DOK6: variants seen among roughly 807,000 people sequenced by gnomAD.
DOK6 encodes the protein downstream of tyrosine kinase 6.
Under a neutral mutation model 44.0 loss-of-function variants are expected in DOK6, and 22 were observed. The ratio of observed to expected loss-of-function variants is 0.50; its 90% CI spans 0.36 to 0.71. The LOEUF (loss-of-function observed/expected upper bound fraction) is 0.71. DOK6 is among the 30% of genes least tolerant of loss of function. The pLI is 0.00. For synonymous variants in DOK6, 166 were observed against 145.5 expected, an observed-to-expected ratio of 1.14 and a Z score of -1.01; for missense variants, 340 against 416.4, an observed-to-expected ratio of 0.82 and a Z score of 1.60.
intron 6 of DOK6, among the ~76,000 whole-genome samples, chr18:69,753,185 T>G (rs1222700067): frequency 6.6e-6 from 1 of 152,156 alleles, no homozygotes; most frequent in African/African-American, 2.4e-5. Context: ...CATCTACGAA[T>G]CTCAAATATT....
At chr18:69,803,171 C>T (rs1007673156) in intron 7 of DOK6, among the ~76,000 whole-genome samples, 14 of 152,098 alleles carry the variant, frequency 9.2e-5, no homozygotes, top group African/African-American at 3.4e-4. Context: ...AGCATTTTAC[C>T]ATATTATTAA....
chr18:69,588,444 A>G (rs1375417710), intron 2 of DOK6, among the ~76,000 whole-genome samples: 3 of 152,124 alleles, frequency 2.0e-5, no homozygotes, highest in Non-Finnish European at 4.4e-5. Context: ...TGGCAGCTGT[A>G]GCATTTCTTA....
chr18:69,409,132 G>C (rs1978295567), intron 1 of DOK6, among the ~76,000 whole-genome samples: 1 of 152,052 alleles, frequency 6.6e-6, no homozygotes, highest in Non-Finnish European at 1.5e-5. Context: ...GATTTTATAA[G>C]GGGCTTCCCC....
chr18:69,571,625 C>A (rs1983116476), intron 2 of DOK6, among the ~76,000 whole-genome samples: 1 of 151,796 alleles, frequency 6.6e-6, no homozygotes, highest in African/African-American at 2.4e-5. Flanking sequence ...AAGAGTATTA[C>A]CAAAGATAAA....
At chr18:69,455,122 T>A in intron 1 of DOK6, among the ~76,000 whole-genome samples, 1 of 139,164 alleles carries the variant, frequency 7.2e-6, no homozygotes. Flanking sequence ...TTGTTTAGAA[T>A]TCGCCTTTAG....
chr18:69,676,181 C>T (rs1985918390), intron 3 of DOK6, among the ~76,000 whole-genome samples: 1 of 152,154 alleles, frequency 6.6e-6, no homozygotes, highest in Admixed American at 6.5e-5. Flanking sequence ...GCAAACTGTA[C>T]TTTCGTAAAT....
intron 1 of DOK6, among the ~76,000 whole-genome samples, chr18:69,526,452 T>C (rs1981833553): frequency 6.6e-6 from 1 of 152,216 alleles, no homozygotes; most frequent in African/African-American, 2.4e-5. Flanking sequence ...ATAATATTCC[T>C]TTGTATGAAT....
intron 1 of DOK6, among the ~76,000 whole-genome samples, chr18:69,514,643 A>G (rs2119962): frequency 0.013 from 1,997 of 152,130 alleles, 38 homozygotes; most frequent in African/African-American, 0.046. Context: ...AATCATGATT[A>G]ATGTCATTTA....
intron 1 of DOK6, among the ~76,000 whole-genome samples, chr18:69,491,689 G>C (rs570408949): frequency 2.6e-5 from 4 of 152,232 alleles, no homozygotes; most frequent in African/African-American, 9.6e-5. Flanking sequence ...CATGACTGAG[G>C]GTTTTCCAAA....
chr18:69,461,572 C>G (rs1231982091), intron 1 of DOK6, among the ~76,000 whole-genome samples: 1 of 152,142 alleles, frequency 6.6e-6, no homozygotes, highest in Non-Finnish European at 1.5e-5. Flanking sequence ...CTTGGAGGCC[C>G]TATTTAATCT....
intron 1 of DOK6, among the ~76,000 whole-genome samples, chr18:69,488,398 T>C (rs1425209664): frequency 6.6e-6 from 1 of 152,150 alleles, no homozygotes. Context: ...CATCAATGCT[T>C]CCTGCTCCCC....
chr18:69,726,176 T>G (rs1297729113), intron 5 of DOK6, among the ~76,000 whole-genome samples: 1 of 152,188 alleles, frequency 6.6e-6, no homozygotes, highest in Non-Finnish European at 1.5e-5. Flanking sequence ...CTTCGCTTCC[T>G]CTGCTAGTTC....
chr18:69,647,060 T>TATCCC (rs796369538), intron 3 of DOK6, among the ~76,000 whole-genome samples: 2 of 137,446 alleles, frequency 1.5e-5, no homozygotes, highest in Non-Finnish European at 3.2e-5. Context: ...CTGTCTATCC[T>TATCCC]ATCTGTCTAT....
chr18:69,518,372 C>T (rs1426658884), intron 1 of DOK6, among the ~76,000 whole-genome samples: 2 of 151,880 alleles, frequency 1.3e-5, no homozygotes, highest in Admixed American at 6.6e-5. Context: ...GTGGGCTGAA[C>T]TCCTCTTTTG....
intron 5 of DOK6, among the ~76,000 whole-genome samples, chr18:69,716,277 T>C (rs1986878779): frequency 6.6e-6 from 1 of 152,196 alleles, no homozygotes; most frequent in Admixed American, 6.5e-5. Flanking sequence ...ATTTAATCCA[T>C]GTTATTCTGT....
At chr18:69,807,766 C>A (rs1375329160) in intron 7 of DOK6, among the ~76,000 whole-genome samples, 1 of 151,284 alleles carries the variant, frequency 6.6e-6, no homozygotes, top group African/African-American at 2.4e-5. Flanking sequence ...TATGTGCACC[C>A]CAAATTGGAG....
chr18:69,517,537 C>A (rs909243601), intron 1 of DOK6, among the ~76,000 whole-genome samples: 2 of 152,026 alleles, frequency 1.3e-5, no homozygotes, highest in African/African-American at 2.4e-5. Flanking sequence ...TGAATCATTT[C>A]TTGTATGTAT....
At chr18:69,421,362 A>G (rs1439018843) in intron 1 of DOK6, among the ~76,000 whole-genome samples, 2 of 152,226 alleles carry the variant, frequency 1.3e-5, no homozygotes, top group African/African-American at 4.8e-5. Context: ...AGTTCTGAAT[A>G]TCACCAGAGT....
At chr18:69,487,083 A>G (rs1980597694) in intron 1 of DOK6, among the ~76,000 whole-genome samples, 1 of 151,808 alleles carries the variant, frequency 6.6e-6, no homozygotes, top group Admixed American at 6.6e-5. Flanking sequence ...AAAGGAGGAG[A>G]GTGAATGGAA....
Sources: allele counts gnomAD v4.1 joint callset (sites outside exome capture counted in the v4.1 genomes callset), GRCh38; gene constraint gnomAD v4.1.1; transcripts MANE v1.5; gene names NCBI Gene and HGNC (gene_info 2026-07-23, HGNC 2026-07-21).